Variants in ABCG4 observed in about 807,000 individuals in gnomAD.
ABCG4 encodes ATP binding cassette subfamily G member 4.
A neutral mutation model predicts 64.6 loss-of-function variants in ABCG4; 35 were observed. The ratio of observed to expected loss-of-function variants is 0.54; its 90% CI spans 0.41 to 0.72. The LOEUF (loss-of-function observed/expected upper bound fraction) is 0.72. ABCG4 is among the 30% of genes least tolerant of loss of function. ABCG4 has a pLI of 0.00. For missense variants in ABCG4, 610 were observed against 846.3 expected, an observed-to-expected ratio of 0.72 and a Z score of 3.46; for synonymous variants, 326 against 348.2, an observed-to-expected ratio of 0.94 and a Z score of 0.71.
In ABCG4 at chr11:119,156,303, C is replaced by T. The variant is rs1218418121; in HGVS notation, c.687-26C>T. ...TTTTGGCCTCACCCACCTCACGTGG[C>T]CCCCTGGTGGCCTCTCTCTGGACAG... On this transcript the variant is annotated intron_variant, in intron 6 of 14. Coordinates refer to ENST00000619701, the MANE Select transcript of ABCG4 (RefSeq NM_022169.5). The surrounding 1 kb of genome is among the most constrained non-coding windows in gnomAD (Gnocchi z 5.5). 6.2e-7 allele frequency: 1 copy of T among 1,613,904 alleles called. No individual in the cohort carries two copies. The highest frequency in any genetic ancestry group is 8.5e-7 in the Non-Finnish European group (1 of 1,179,816).
intron 9 of ABCG4, among the ~76,000 whole-genome samples, chr11:119,157,218 C>T (rs890383829): frequency 1.3e-5 from 2 of 152,234 alleles, no homozygotes; most frequent in Non-Finnish European, 2.9e-5. Flanking sequence ...CCAGTTTCCT[C>T]ATTGACTTAT....
intron 9 of ABCG4, among the ~76,000 whole-genome samples, chr11:119,157,768 A>T (rs1237798576): frequency 6.6e-6 from 1 of 152,220 alleles, no homozygotes; most frequent in Non-Finnish European, 1.5e-5. Context: ...CGGGAGGCTG[A>T]GGCAGGAGAA....
rs1172440388 is a variant in ABCG4, at chr11:119,158,751, G to A, written c.1336+26G>A. ...GTGAGCTGAGCTGCCCTGGGCATGG[G>A]GCAAGGGTGTGGGTGCTGGGGCTTG... On this transcript the variant is annotated intron_variant, in intron 11 of 14. Coordinates refer to ENST00000619701, the MANE Select transcript of ABCG4 (RefSeq NM_022169.5). This position sits in a 1 kb window ranked among gnomAD's most constrained non-coding sequence, Gnocchi z 4.5. The A allele has an allele frequency of 6.2e-7, 1 of 1,614,072 alleles. No individual in the cohort carries two copies. Among genetic ancestry groups the A allele is most frequent in the African/African-American group, 1.3e-5 (1 of 74,938 alleles).
chr11:119,149,867 T>TG lies in ABCG4; in HGVS notation c.-12-82dup, dbSNP rs1948168140. The TG allele has an allele frequency of 2.0e-5, 29 of 1,453,760 alleles. No individual in the cohort carries two copies. The highest frequency in any genetic ancestry group is 2.5e-5 in the Non-Finnish European group (28 of 1,107,278). 90.1% of individuals were successfully genotyped at this position (1,453,760 alleles called of 1,614,324 possible). A position where few individuals can be genotyped will look rare whatever the true frequency, so the allele number is the denominator to read the frequency against. On this transcript the variant is annotated intron_variant, in intron 1 of 14. Coordinates refer to ENST00000619701, the MANE Select transcript of ABCG4 (RefSeq NM_022169.5). This position sits in a 1 kb window ranked among gnomAD's most constrained non-coding sequence, Gnocchi z 8.3. ...TCTGCCCCGAGAAGGAGGTGGGCAG[T>TG]GGGGGCGGGGGAAGCATTAGAACGC...
In ABCG4 at chr11:119,149,807, G is replaced by A; in HGVS notation, c.-12-147G>A. 7.9e-7 allele frequency: 1 copy of A among 1,269,310 alleles called. No individual in the cohort carries two copies. Among genetic ancestry groups the A allele is most frequent in the Non-Finnish European group, 1.1e-6 (1 of 945,002 alleles). 78.6% of individuals were successfully genotyped at this position (1,269,310 alleles called of 1,614,324 possible). On this transcript the variant is annotated intron_variant, in intron 1 of 14. Coordinates refer to ENST00000619701, the MANE Select transcript of ABCG4 (RefSeq NM_022169.5). The surrounding 1 kb of genome is among the most constrained non-coding windows in gnomAD (Gnocchi z 8.3). Reference sequence around the variant, plus strand: ...TGAGCGTCTCCGTGCGGAGAGTGGGGGGCGGGGGCAGAGTGCGGGGCTAAC... The same window carrying A: ...TGAGCGTCTCCGTGCGGAGAGTGGGAGGCGGGGGCAGAGTGCGGGGCTAAC...
chr11:119,157,220 T>C (rs765102765), intron 9 of ABCG4, among the ~76,000 whole-genome samples: 4 of 152,236 alleles, frequency 2.6e-5, no homozygotes, highest in African/African-American at 7.2e-5. Context: ...AGTTTCCTCA[T>C]TGACTTATTC....
intron 2 of ABCG4, among the ~76,000 whole-genome samples, chr11:119,151,309 G>T (rs974001997): frequency 6.6e-6 from 1 of 152,190 alleles, no homozygotes; most frequent in African/African-American, 2.4e-5. Context: ...CCATGTGCCA[G>T]CCACAGATTG....
chr11:119,160,690 T>C lies in ABCG4; in HGVS notation c.1715+34T>C, dbSNP rs767074378. On this transcript the variant is annotated intron_variant, in intron 14 of 14. Coordinates refer to ENST00000619701, the MANE Select transcript of ABCG4 (RefSeq NM_022169.5). This position sits in a 1 kb window ranked among gnomAD's most constrained non-coding sequence, Gnocchi z 4.6. ...CCCTGCCCTCCTCGTTGGCCTCTGCTCCTCCCTGGAGGAGTCCATACCCAG... is the reference window on the plus strand; with the variant it reads ...CCCTGCCCTCCTCGTTGGCCTCTGCCCCTCCCTGGAGGAGTCCATACCCAG... 1.3e-6 allele frequency: 2 copies of C among 1,593,288 alleles called. No homozygotes were observed. The highest frequency in any genetic ancestry group is 2.2e-5 in the South Asian group (2 of 90,656).
In ABCG4 at chr11:119,154,304, G is replaced by A. The variant is rs771787304; in HGVS notation, c.401G>A (p.Arg134Gln). ...CAGATCCTGGTTAATGGAAGGCCAC[G>A]GGAGCTGAGGACCTTCCGCAAGATG... ...KGQILVNGRP[R>Q]ELRTFRKMSC... Residue 134 changes from arginine to glutamine, a missense_variant, in exon 4 of 15, where the codon CGG becomes CAG. By Grantham distance (43) the Arg-to-Gln change is conservative. Coordinates refer to ENST00000619701, the MANE Select transcript of ABCG4 (RefSeq NM_022169.5). This position sits in a 1 kb window ranked among gnomAD's most constrained non-coding sequence, Gnocchi z 7.0. 3.1e-6 allele frequency: 5 copies of A among 1,614,174 alleles called. No individual in the cohort carries two copies. Among genetic ancestry groups the A allele is most frequent in the Admixed American group, 1.7e-5 (1 of 60,026 alleles).
Position 119,150,320 on chromosome 11 carries a change from C to T in ABCG4, c.238+117C>T. The T allele has an allele frequency of 7.1e-7, 1 of 1,412,832 alleles. No homozygotes were observed. The highest frequency in any genetic ancestry group is 2.0e-4 in the Middle Eastern group (1 of 5,090). The allele number at this position is 1,412,832 out of a possible 1,614,324, so 87.5% of individuals were successfully genotyped here. On this transcript the variant is annotated intron_variant, in intron 2 of 14. Transcript: ENST00000619701. The surrounding 1 kb of genome is among the most constrained non-coding windows in gnomAD (Gnocchi z 4.3). ...CCTGCACCAGTGGGCTCTGTGGAAA[C>T]ACTAAAATCTGGGCCCCAGCCCGTT...
Position 119,156,456 on chromosome 11 carries a change from AG to A in ABCG4, c.810+5del. ...GCTCTTTGAGATGTTTGACAAGGTG[AG>A]TGTCTCCAGGCCTCAAGGAGGATTG... is the stretch of plus-strand genomic sequence containing the variant. On this transcript the variant is annotated splice_donor_5th_base_variant and intron_variant, in intron 7 of 14. Coordinates refer to ENST00000619701, the MANE Select transcript of ABCG4 (RefSeq NM_022169.5). This position sits in a 1 kb window ranked among gnomAD's most constrained non-coding sequence, Gnocchi z 5.5. 6.2e-7 allele frequency: 1 copy of A among 1,614,050 alleles called. No individual in the cohort carries two copies. The highest frequency in any genetic ancestry group is 8.5e-7 in the Non-Finnish European group (1 of 1,179,976).
In ABCG4 at chr11:119,156,721, G is replaced by A. The variant is rs1245627985; in HGVS notation, c.925+43G>A. 1.9e-6 allele frequency: 3 copies of A among 1,607,620 alleles called. No individual in the cohort carries two copies. The African/African-American group carries it at 4.0e-5, about 22-fold the overall frequency. ...GGTAGGGGCTGGGAAACAGCAGTGG[G>A]CCGAACCTGGGGTCTCTGGTCTTGC... On this transcript the variant is annotated intron_variant, in intron 8 of 14. Coordinates refer to ENST00000619701, the MANE Select transcript of ABCG4 (RefSeq NM_022169.5). The surrounding 1 kb of genome is among the most constrained non-coding windows in gnomAD (Gnocchi z 5.5).
rs781482503 is a variant in ABCG4 at position 119,160,547 on chromosome 11, T to G, written c.1606T>G (p.Phe536Val). 1.1e-5 allele frequency: 17 copies of G among 1,610,676 alleles called. No individual in the cohort carries two copies. The highest frequency in any genetic ancestry group is 1.4e-5 in the Non-Finnish European group (17 of 1,179,784). ...AASNSLQVAT[F>V]VGPVTAIPVL... is the part of the protein sequence containing the mutation. The stretch of plus-strand genomic sequence containing the variant: ...CTCCCTTCCCCTCTAGGTGGCCACT[T>G]TTGTGGGCCCAGTTACCGCCATCCC... The change falls in exon 14 of 15, where the codon TTT becomes GTT. Residue 536 changes from phenylalanine to valine, a missense_variant. Coordinates refer to ENST00000619701, the MANE Select transcript of ABCG4 (RefSeq NM_022169.5). The surrounding 1 kb of genome is among the most constrained non-coding windows in gnomAD (Gnocchi z 4.6).
chr11:119,155,853 C>T lies in ABCG4; in HGVS notation c.687-476C>T. 1 of 173,286 alleles carries T rather than the reference C, an allele frequency of 5.8e-6. No homozygotes were observed. Among genetic ancestry groups the T allele is most frequent in the Non-Finnish European group, 1.2e-5 (1 of 80,356 alleles). The allele number at this position is 173,286 out of a possible 1,614,324, so 10.7% of individuals were successfully genotyped here. A position where few individuals can be genotyped will look rare whatever the true frequency, so the allele number is the denominator to read the frequency against. ...CCTCTAAGCTTTGCCCATGCTGTGT[C>T]TTCTGCTGGAATGCCCTTCACCACT... On this transcript the variant is annotated intron_variant, in intron 6 of 14. Transcript: ENST00000619701. This position sits in a 1 kb window ranked among gnomAD's most constrained non-coding sequence, Gnocchi z 4.5.
In ABCG4 at chr11:119,161,334, G is replaced by A. The variant is rs541969741; in HGVS notation, c.*228G>A. 690 of 526,524 alleles carry A rather than the reference G, an allele frequency of 1.3e-3. 4 individuals are homozygous for A. Among genetic ancestry groups the A allele is most frequent in the Non-Finnish European group, 1.1e-3 (324 of 293,346 alleles). 32.6% of individuals were successfully genotyped at this position (526,524 alleles called of 1,614,324 possible). A position where few individuals can be genotyped will look rare whatever the true frequency, so the allele number is the denominator to read the frequency against. ...CCCAGGAGTCTTCCCAAGTTGATGC[G>A]GTTTGTAGCTTCCTCCCTACTCTCT... On this transcript the variant is annotated 3_prime_UTR_variant, in exon 15 of 15. Transcript: ENST00000619701.
rs1398263509 is a variant in ABCG4 at position 119,149,521 on chromosome 11, G to C, written c.-13+158G>C. ...GGCCTGGGCGTCGCGCCAAGGGATG[G>C]GGAGTGGGACGCAGCCGGAGGCCTG... On this transcript the variant is annotated intron_variant, in intron 1 of 14. Coordinates refer to ENST00000619701, the MANE Select transcript of ABCG4 (RefSeq NM_022169.5). This position sits in a 1 kb window ranked among gnomAD's most constrained non-coding sequence, Gnocchi z 8.3. 6.4e-6 allele frequency: 1 copy of C among 156,112 alleles called. No individual in the cohort carries two copies. The highest frequency in any genetic ancestry group is 6.4e-5 in the Admixed American group (1 of 15,712). The allele number at this position is 156,112 out of a possible 1,614,324, so 9.7% of individuals were successfully genotyped here.
In ABCG4 at chr11:119,154,322, G is replaced by T; in HGVS notation, c.419G>T (p.Arg140Leu). The T allele has an allele frequency of 1.9e-6, 3 of 1,614,152 alleles. No individual in the cohort carries two copies. The highest frequency in any genetic ancestry group is 2.5e-6 in the Non-Finnish European group (3 of 1,180,020). ...NGRPRELRTF[R>L]KMSCYIMQDD... The stretch of plus-strand genomic sequence containing the variant: ...AGGCCACGGGAGCTGAGGACCTTCC[G>T]CAAGATGTCCTGCTACATCATGCAA... Residue 140 changes from arginine to leucine, a missense_variant, in exon 4 of 15, where the codon CGC becomes CTC. Physicochemically the swap from Arg to Leu is moderately radical, Grantham distance 102 (BLOSUM62 -2). Transcript: ENST00000619701. This position sits in a 1 kb window ranked among gnomAD's most constrained non-coding sequence, Gnocchi z 7.0.
At position 119,158,141 on chromosome 11, in the gene ABCG4, G is replaced by A. The variant is rs925605071; in HGVS notation, c.1069-93G>A. The A allele has an allele frequency of 1.2e-5, 12 of 1,025,614 alleles. No individual in the cohort carries two copies. Among genetic ancestry groups the A allele is most frequent in the Non-Finnish European group, 1.7e-5 (12 of 695,572 alleles). The allele number at this position is 1,025,614 out of a possible 1,614,324, so 63.5% of individuals were successfully genotyped here. On this transcript the variant is annotated intron_variant, in intron 9 of 14. Transcript: ENST00000619701. The surrounding 1 kb of genome is among the most constrained non-coding windows in gnomAD (Gnocchi z 4.5). Reference sequence around the variant, plus strand: ...AGACCTGGAGGACCCCTACCCTGGGGAAGAGCTCTGAGGTTTTTCATTCAC... The same window carrying A: ...AGACCTGGAGGACCCCTACCCTGGGAAAGAGCTCTGAGGTTTTTCATTCAC...
In ABCG4 at chr11:119,160,198, C is replaced by T. The variant is rs777419814; in HGVS notation, c.1438-29C>T. ...GGCTGCTGTGCCCCTGGCTTGAAGTCCACTGTCCAGCCCGTGCCCACTCCC... is the reference window on the plus strand; with the variant it reads ...GGCTGCTGTGCCCCTGGCTTGAAGTTCACTGTCCAGCCCGTGCCCACTCCC... On this transcript the variant is annotated intron_variant, in intron 12 of 14. Coordinates refer to ENST00000619701, the MANE Select transcript of ABCG4 (RefSeq NM_022169.5). The surrounding 1 kb of genome is among the most constrained non-coding windows in gnomAD (Gnocchi z 4.6). 1.3e-5 allele frequency: 20 copies of T among 1,586,214 alleles called. No homozygotes were observed. The Admixed American group carries it at 3.2e-4, about 26-fold the overall frequency.
Sources: gnomAD v4.1 joint callset for allele counts (sites outside exome capture counted in the v4.1 genomes callset) on GRCh38, gnomAD v4.1.1 for gene constraint, Gnocchi (gnomAD v3.1) non-coding constraint, MANE v1.5 for transcripts, NCBI Gene and HGNC (gene_info 2026-07-23, HGNC 2026-07-21) for gene names.